Variants in CEP128 observed in about 807,000 individuals in gnomAD.
CEP128 encodes centrosomal protein 128.
In CEP128, 132 loss-of-function variants were observed where a neutral mutation model predicts 156.7. That is an observed-to-expected ratio of 0.84 (90% CI 0.73 to 0.97). CEP128 has a LOEUF of 0.97. Ranked by LOEUF, CEP128 falls within the 50% of genes least tolerant of loss-of-function variation. CEP128 has a pLI of 0.00. For missense variants in CEP128, 1,252 were observed against 1,281.9 expected, an observed-to-expected ratio of 0.98 and a Z score of 0.36; for synonymous variants, 469 against 448.9, an observed-to-expected ratio of 1.04 and a Z score of -0.57.
At chr14:80,830,533 G>A (rs577049109) in intron 13 of CEP128, 1 of 240,068 alleles carries the variant, frequency 4.2e-6, no homozygotes, top group Non-Finnish European at 8.0e-6. Flanking sequence ...CCTTTTATGA[G>A]GTCTTTTCCT....
intron 19 of CEP128, among the ~76,000 whole-genome samples, chr14:80,673,968 C>A (rs531485885): frequency 1.3e-5 from 2 of 151,964 alleles, no homozygotes; most frequent in Non-Finnish European, 2.9e-5. Flanking sequence ...AGCAGCTCAG[C>A]AGAGAAAATA....
chr14:80,573,576 G>T (rs568538078), intron 20 of CEP128, among the ~76,000 whole-genome samples: 20 of 152,226 alleles, frequency 1.3e-4, no homozygotes, highest in Admixed American at 2.6e-4. Context: ...ATATTAAGTT[G>T]CAAATTTCAG....
chr14:80,505,023 A>G lies in CEP128; in HGVS notation c.3073-3T>C. On this transcript the variant is annotated splice_polypyrimidine_tract_variant and splice_region_variant and intron_variant, in intron 23 of 24. Transcript: ENST00000555265. Reference sequence around the variant, plus strand: ...CCTTCCAGAAAGGTTCTGTCACCCTAAGGAAAAAAAGGCACAGCATTTCAA... The same window carrying G: ...CCTTCCAGAAAGGTTCTGTCACCCTGAGGAAAAAAAGGCACAGCATTTCAA... The G allele has an allele frequency of 6.7e-7, 1 of 1,501,724 alleles. No homozygotes were observed. The allele number at this position is 1,501,724 out of a possible 1,614,324, so 93.0% of individuals were successfully genotyped here. A position where few individuals can be genotyped will look rare whatever the true frequency, so the allele number is the denominator to read the frequency against.
chr14:80,706,439 ATGTG>A (rs755837048), intron 19 of CEP128, among the ~76,000 whole-genome samples: 28 of 150,526 alleles, frequency 1.9e-4, no homozygotes, highest in South Asian at 4.2e-4. Context: ...GTGTGTGTGT[ATGTG>A]TGTGTGTGTG....
intron 19 of CEP128, among the ~76,000 whole-genome samples, chr14:80,729,057 GGGTGTGTGTGT>G (rs1566880924): frequency 2.0e-4 from 20 of 102,168 alleles, no homozygotes; most frequent in Middle Eastern, 4.5e-3. Context: ...GGGCTGGTGG[GGGTGTGTGTGT>G]GTGTGTGTGT....
At chr14:80,832,131 G>A (rs535880346) in intron 12 of CEP128, among the ~76,000 whole-genome samples, 13 of 152,296 alleles carry the variant, frequency 8.5e-5, no homozygotes, top group African/African-American at 3.1e-4. Context: ...CGTAAGACAT[G>A]CCTTTGCTTT....
At chr14:80,572,292 A>G (rs1383165713) in intron 20 of CEP128, among the ~76,000 whole-genome samples, 2 of 152,162 alleles carry the variant, frequency 1.3e-5, no homozygotes, top group Admixed American at 1.3e-4. Flanking sequence ...TCTTTTAATC[A>G]TGTATTATTA....
rs538432801 is a variant in CEP128, at chr14:80,605,316, T to G, written c.2807-24893A>C. Among the ~76,000 whole-genome samples, 7 of 152,172 alleles carry G rather than the reference T, an allele frequency of 4.6e-5. No homozygotes were observed. In the South Asian group the frequency reaches 1.5e-3, roughly 32 times the overall value. On this transcript the variant is annotated intron_variant, in intron 19 of 24. Transcript: ENST00000555265. ...ATTCAGAATTAATATGTATAACAATTATCTCCCTAAAACCTTTTAGGAATC... is the reference window on the plus strand; with the variant it reads ...ATTCAGAATTAATATGTATAACAATGATCTCCCTAAAACCTTTTAGGAATC...
chr14:80,609,082 G>A (rs181169519), intron 19 of CEP128, among the ~76,000 whole-genome samples: 1 of 152,270 alleles, frequency 6.6e-6, no homozygotes, highest in African/African-American at 2.4e-5. Flanking sequence ...GACTATTAGA[G>A]ACATACTAAT....
At chr14:80,880,211 CA>C (rs1388239175) in intron 8 of CEP128, among the ~76,000 whole-genome samples, 1 of 150,960 alleles carries the variant, frequency 6.6e-6, no homozygotes, top group East Asian at 1.9e-4. Flanking sequence ...ATTAACAGGA[CA>C]AAAGATAAAA....
chr14:80,952,926 A>G lies in CEP128; in HGVS notation c.-172+5252T>C, dbSNP rs575638845. On this transcript the variant is annotated intron_variant, in intron 2 of 7. Transcript: ENST00000555529. The stretch of plus-strand genomic sequence containing the variant: ...AAATAGACAATTCATTATATGACAC[A>G]AACTGCCCAGGCTACCTCAAGAAGA... Among the ~76,000 whole-genome samples the G allele has an allele frequency of 2.6e-5, 4 of 152,326 alleles. No individual in the cohort carries two copies. In the East Asian group the frequency reaches 5.8e-4, roughly 22 times the overall value.
At chr14:80,877,554 AAC>A (rs1888341532) in intron 8 of CEP128, among the ~76,000 whole-genome samples, 1 of 152,210 alleles carries the variant, frequency 6.6e-6, no homozygotes, top group African/African-American at 2.4e-5. Flanking sequence ...ACACACAAAA[AAC>A]ACATTTTGAA....
chr14:80,625,956 T>C (rs1000644344), intron 19 of CEP128, among the ~76,000 whole-genome samples: 3 of 152,192 alleles, frequency 2.0e-5, no homozygotes, highest in African/African-American at 7.2e-5. Flanking sequence ...CAAGTGAGCC[T>C]GTATTACTCT....
At chr14:80,836,468 C>T (rs1886083986) in intron 11 of CEP128, 131 bp from the exon 12 acceptor site, 1 of 883,812 alleles carries the variant, frequency 1.1e-6, no homozygotes, top group Middle Eastern at 2.3e-4. Flanking sequence ...TTTCCTGCTC[C>T]ATTTCCTCAT....
chr14:80,895,020 T>C (rs960555121), intron 8 of CEP128, among the ~76,000 whole-genome samples: 1 of 151,998 alleles, frequency 6.6e-6, no homozygotes, highest in Admixed American at 6.6e-5. Context: ...AATGAATAAA[T>C]ACACTCCTGA....
intron 19 of CEP128, among the ~76,000 whole-genome samples, chr14:80,736,746 T>A (rs904669601): frequency 5.3e-5 from 8 of 152,214 alleles, no homozygotes; most frequent in Admixed American, 5.2e-4. Context: ...CAGAGATATT[T>A]ACAGTTAACT....
At chr14:80,738,757 G>A (rs1371403751) in intron 19 of CEP128, among the ~76,000 whole-genome samples, 1 of 151,896 alleles carries the variant, frequency 6.6e-6, no homozygotes, top group African/African-American at 2.4e-5. Flanking sequence ...CTTTATCATA[G>A]GTTTGTATGT....
chr14:80,717,650 A>C (rs912523314), intron 19 of CEP128, among the ~76,000 whole-genome samples: 1 of 152,190 alleles, frequency 6.6e-6, no homozygotes, highest in Non-Finnish European at 1.5e-5. Flanking sequence ...GTACACACTT[A>C]ATATCAGAAA....
chr14:80,908,250 C>A (rs937153932), intron 4 of CEP128, among the ~76,000 whole-genome samples: 40 of 152,122 alleles, frequency 2.6e-4, no homozygotes, highest in African/African-American at 9.7e-4. Flanking sequence ...TCTCAGGCAT[C>A]ATCTTTTCAA....
Sources: gnomAD v4.1 joint callset for allele counts (sites outside exome capture counted in the v4.1 genomes callset) on GRCh38, gnomAD v4.1.1 for gene constraint, MANE v1.5 for transcripts, NCBI Gene and HGNC (gene_info 2026-07-23, HGNC 2026-07-21) for gene names.